The following AUTS2 variants were observed in gnomAD, a reference collection of about 807,000 sequenced individuals.
AUTS2 encodes the protein autism susceptibility gene 2 protein.
A neutral mutation model predicts 112.4 loss-of-function variants in AUTS2; 17 were observed. The observed-to-expected ratio is 0.15, with a 90% CI of 0.10 to 0.23. The LOEUF is 0.23. AUTS2 is among the 10% of genes least tolerant of loss of function. The pLI, the probability that AUTS2 is intolerant of heterozygous loss-of-function variation, is 1.00. For missense variants in AUTS2, 1,510 were observed against 1,701.6 expected, an observed-to-expected ratio of 0.89 and a Z score of 1.98; for synonymous variants, 751 against 702.7, an observed-to-expected ratio of 1.07 and a Z score of -1.09.
At chr7:70,679,390 C>T (rs1349204950) in intron 5 of AUTS2, among the ~76,000 whole-genome samples, 27 of 152,182 alleles carry the variant, frequency 1.8e-4, no homozygotes, top group Non-Finnish European at 1.5e-5. Flanking sequence ...GGGAGATGCT[C>T]AGCCTGCCCA....
intron 5 of AUTS2, among the ~76,000 whole-genome samples, chr7:70,479,885 A>T (rs1215455684): frequency 1.3e-5 from 2 of 152,230 alleles, no homozygotes; most frequent in Non-Finnish European, 2.9e-5. Flanking sequence ...TGTGAAAGGT[A>T]AGTGCAGGAC....
chr7:70,425,531 T>G (rs889457421), intron 4 of AUTS2, among the ~76,000 whole-genome samples: 2 of 152,088 alleles, frequency 1.3e-5, no homozygotes, highest in Non-Finnish European at 2.9e-5. Flanking sequence ...CATCAGATAA[T>G]GTGGAATGAG....
At chr7:70,398,522 A>T (rs1490551506) in intron 4 of AUTS2, among the ~76,000 whole-genome samples, 1 of 152,082 alleles carries the variant, frequency 6.6e-6, no homozygotes, top group Non-Finnish European at 1.5e-5. Flanking sequence ...CATTTTTAAA[A>T]TTTAAATTTT....
intron 4 of AUTS2, among the ~76,000 whole-genome samples, chr7:70,185,059 G>C (rs1009866385): frequency 2.6e-5 from 4 of 152,020 alleles, no homozygotes; most frequent in African/African-American, 9.7e-5. Flanking sequence ...ACTTCTTGAA[G>C]TAATGTTTTA....
chr7:70,181,954 C>T (rs62458806), intron 4 of AUTS2, among the ~76,000 whole-genome samples: 12 of 151,730 alleles, frequency 7.9e-5, no homozygotes, highest in African/African-American at 2.2e-4. Context: ...CCCGCCACCA[C>T]GCCTGGCTAA....
intron 5 of AUTS2, among the ~76,000 whole-genome samples, chr7:70,497,523 G>A (rs914688359): frequency 1.3e-5 from 2 of 152,196 alleles, no homozygotes; most frequent in African/African-American, 4.8e-5. Context: ...ATAAAATGGA[G>A]AGCACTGCTT....
chr7:70,161,056 A>G (rs969351579), intron 4 of AUTS2, among the ~76,000 whole-genome samples: 6 of 152,224 alleles, frequency 3.9e-5, no homozygotes, highest in African/African-American at 1.4e-4. Context: ...CGTGGGAATT[A>G]GGCAGTTATT....
At chr7:70,446,314 T>C (rs1418502473) in intron 5 of AUTS2, among the ~76,000 whole-genome samples, 1 of 152,228 alleles carries the variant, frequency 6.6e-6, no homozygotes, top group Non-Finnish European at 1.5e-5. Context: ...ATATAGTGTT[T>C]ATCGGCCGGA....
intron 2 of AUTS2, among the ~76,000 whole-genome samples, chr7:69,914,630 TG>T (rs1795501386): frequency 6.6e-6 from 1 of 151,684 alleles, no homozygotes; most frequent in African/African-American, 2.4e-5. Flanking sequence ...CAGGAAAAGC[TG>T]ACCTAGGAAA....
chr7:70,782,140 G>T, intron 15 of AUTS2: 1 of 176,338 alleles, frequency 5.7e-6, no homozygotes, highest in Non-Finnish European at 1.2e-5. Context: ...TTAATACGGT[G>T]CCCGCAGAGC....
At chr7:69,914,356 G>GACACACACACACAC (rs66527808) in intron 2 of AUTS2, among the ~76,000 whole-genome samples, 182 of 136,054 alleles carry the variant, frequency 1.3e-3, no homozygotes, top group African/African-American at 3.5e-3. Context: ...CACACACACA[G>GACACACACACACAC]ACACACACAC....
chr7:70,358,945 G>A (rs75342895), intron 4 of AUTS2, among the ~76,000 whole-genome samples: 1 of 152,224 alleles, frequency 6.6e-6, no homozygotes, highest in African/African-American at 2.4e-5. Context: ...AGGTGTGAAG[G>A]CTTAGTCTTT....
chr7:70,508,598 G>C (rs1799062870), intron 5 of AUTS2, among the ~76,000 whole-genome samples: 1 of 152,110 alleles, frequency 6.6e-6, no homozygotes, highest in Non-Finnish European at 1.5e-5. Flanking sequence ...AGACAGAAAG[G>C]GACTGAGAAA....
intron 5 of AUTS2, among the ~76,000 whole-genome samples, chr7:70,663,999 A>G (rs1807207272): frequency 6.6e-6 from 1 of 152,030 alleles, no homozygotes; most frequent in Non-Finnish European, 1.5e-5. Flanking sequence ...TTGTTTTCTG[A>G]CTCCACCAAG....
At chr7:70,022,235 T>C (rs1800308465) in intron 2 of AUTS2, among the ~76,000 whole-genome samples, 1 of 151,750 alleles carries the variant, frequency 6.6e-6, no homozygotes, top group African/African-American at 2.4e-5. Flanking sequence ...GGTGAGCACA[T>C]TGATAGTATC....
chr7:70,219,428 C>G (rs1400656416), intron 4 of AUTS2, among the ~76,000 whole-genome samples: 1 of 151,002 alleles, frequency 6.6e-6, no homozygotes, highest in African/African-American at 2.4e-5. Flanking sequence ...TAAGAGCTAG[C>G]CAAAAAAAAA....
At chr7:69,981,912 T>C (rs56694288) in intron 2 of AUTS2, among the ~76,000 whole-genome samples, 1,570 of 152,288 alleles carry the variant, frequency 0.01, 38 homozygotes, top group African/African-American at 0.036. Context: ...ACGGTTGCAT[T>C]TGTGCTTATC....
intron 6 of AUTS2, among the ~76,000 whole-genome samples, chr7:70,759,269 C>T (rs1229680552): frequency 6.6e-6 from 1 of 152,194 alleles, no homozygotes; most frequent in Non-Finnish European, 1.5e-5. Flanking sequence ...GTTTACAAAA[C>T]AAGGACGTGA....
intron 4 of AUTS2, among the ~76,000 whole-genome samples, chr7:70,424,643 A>G (rs1015692289): frequency 1.3e-5 from 2 of 152,122 alleles, no homozygotes; most frequent in African/African-American, 2.4e-5. Context: ...CTAGAGCACA[A>G]TGACATGATC....
Sources: allele counts gnomAD v4.1 joint callset (sites outside exome capture counted in the v4.1 genomes callset), GRCh38; gene constraint gnomAD v4.1.1; transcripts MANE v1.5; gene names NCBI Gene and HGNC (gene_info 2026-07-23, HGNC 2026-07-21).